The following LMX1B variants were observed in gnomAD, a reference collection of about 807,000 sequenced individuals.
LMX1B encodes LIM homeobox transcription factor 1 beta, also known as LIM homeobox transcription factor 1-beta.
In LMX1B, 12 loss-of-function variants were observed where a neutral mutation model predicts 51.4. The ratio of observed to expected loss-of-function variants is 0.23; its 90% CI spans 0.15 to 0.38. The LOEUF is 0.38. Ranked by LOEUF, LMX1B falls within the 10% of genes least tolerant of loss-of-function variation. The pLI is 1.00. For synonymous variants in LMX1B, 237 were observed against 235.4 expected, an observed-to-expected ratio of 1.01 and a Z score of -0.06; for missense variants, 445 against 571.1, an observed-to-expected ratio of 0.78 and a Z score of 2.25.
intron 2 of LMX1B, among the ~76,000 whole-genome samples, chr9:126,627,295 T>C (rs1835553107): frequency 6.6e-6 from 1 of 152,010 alleles, no homozygotes; most frequent in Non-Finnish European, 1.5e-5. Flanking sequence ...CCTTTTTTAC[T>C]CAGAGAGGTG....
In LMX1B at chr9:126,678,324, AAAAACAAAAAAAAAAAAC is replaced by A. The variant is rs1836608825; in HGVS notation, c.327-12507_327-12490del. On this transcript the variant is annotated intron_variant, in intron 2 of 7. Coordinates refer to ENST00000373474, the MANE Select transcript of LMX1B (RefSeq NM_001174147.2). ...GACTTCGTCTCAAAAAAAAAAAACA[AAAAACAAAAAAAAAAAAC>A]AAAAAGACTGCGGAGAAGCTGCCAC... Among the ~76,000 whole-genome samples the A allele has an allele frequency of 1.9e-4, 23 of 121,684 alleles. 2 individuals are homozygous for A. The highest frequency in any genetic ancestry group is 7.5e-4 in the African/African-American group (22 of 29,258). 79.8% of individuals were successfully genotyped at this position (121,684 alleles called of 152,430 possible). A position where few individuals can be genotyped will look rare whatever the true frequency, so the allele number is the denominator to read the frequency against.
intron 2 of LMX1B, among the ~76,000 whole-genome samples, chr9:126,631,630 C>T (rs1336496028): frequency 6.6e-6 from 1 of 152,124 alleles, no homozygotes; most frequent in Non-Finnish European, 1.5e-5. Flanking sequence ...CCAGCACAGT[C>T]CCTGTGCCTG....
chr9:126,661,366 G>C (rs1039404550), intron 2 of LMX1B, among the ~76,000 whole-genome samples: 1 of 152,188 alleles, frequency 6.6e-6, no homozygotes, highest in African/African-American at 2.4e-5. Flanking sequence ...TCTGTCTGTC[G>C]GGGCCAGAGT....
intron 2 of LMX1B, among the ~76,000 whole-genome samples, chr9:126,647,099 G>C (rs1835916036): frequency 4.6e-5 from 7 of 152,118 alleles, no homozygotes; most frequent in Admixed American, 4.6e-4. Flanking sequence ...AGCCAGTCAG[G>C]AGACAGGCTG....
In LMX1B at chr9:126,693,796, C is replaced by A. The variant is rs544649941; in HGVS notation, c.870C>A (p.Ser290=). 1.0e-4 allele frequency: 141 copies of A among 1,407,456 alleles called. No individual in the cohort carries two copies. In the African/African-American group the frequency reaches 1.6e-3, roughly 16 times the overall value. 87.2% of individuals were successfully genotyped at this position (1,407,456 alleles called of 1,614,324 possible). A position where few individuals can be genotyped will look rare whatever the true frequency, so the allele number is the denominator to read the frequency against. ...AGCAGCAGCAGGAGCAGCAGAACTC[C>A]CAGCGGCTGGGCCAGGGTGAGCCGG... ...RHQQQQEQQN[S]QRLGQEVLSS... is the part of the protein sequence containing the mutation. Residue 290 remains serine (S), a synonymous_variant, in exon 6 of 8, where the codon TCC becomes TCA. Transcript: ENST00000373474.
At chr9:126,627,310 G>C (rs954769751) in intron 2 of LMX1B, among the ~76,000 whole-genome samples, 16 of 152,080 alleles carry the variant, frequency 1.1e-4, no homozygotes. Context: ...GAGGTGCCCT[G>C]CCCTGCCCTC....
At chr9:126,680,865 C>T (rs902285987) in intron 2 of LMX1B, among the ~76,000 whole-genome samples, 2 of 152,148 alleles carry the variant, frequency 1.3e-5, no homozygotes, top group Admixed American at 6.5e-5. Flanking sequence ...CCCTGATGCC[C>T]GGTTGGTCCA....
At position 126,626,216 on chromosome 9, in the gene LMX1B, GC is replaced by G. The variant is rs957463077; in HGVS notation, c.326+10649del. 6.6e-6 allele frequency among the ~76,000 whole-genome samples: 1 copy of G among 152,234 alleles called. No homozygotes were observed. The highest frequency in any genetic ancestry group is 2.4e-5 in the African/African-American group (1 of 41,482). ...GTGCGCCCTGGCAGAGGTCGGGGAC[GC>G]CAGAGTGCACGCAGTCTCCTGCGCG... On this transcript the variant is annotated intron_variant, in intron 2 of 7. Coordinates refer to ENST00000373474, the MANE Select transcript of LMX1B (RefSeq NM_001174147.2). The surrounding 1 kb of genome is among the most constrained non-coding windows in gnomAD (Gnocchi z 4.3).
chr9:126,622,826 A>C (rs956761905), intron 2 of LMX1B, among the ~76,000 whole-genome samples: 1 of 152,242 alleles, frequency 6.6e-6, no homozygotes, highest in Non-Finnish European at 1.5e-5. Context: ...TGGCAGTTAC[A>C]GAATGGGGAT....
chr9:126,696,628 G>A lies in LMX1B; in HGVS notation c.*177G>A. 1.5e-6 allele frequency: 1 copy of A among 655,116 alleles called. No homozygotes were observed. Among genetic ancestry groups the A allele is most frequent in the Non-Finnish European group, 2.6e-6 (1 of 378,832 alleles). 40.6% of individuals were successfully genotyped at this position (655,116 alleles called of 1,614,324 possible). A position where few individuals can be genotyped will look rare whatever the true frequency, so the allele number is the denominator to read the frequency against. On this transcript the variant is annotated 3_prime_UTR_variant, in exon 8 of 8. Coordinates refer to ENST00000373474, the MANE Select transcript of LMX1B (RefSeq NM_001174147.2). Reference sequence around the variant, plus strand: ...CCCGTTGGGTACAGCCAGACCGGTAGATGGGCACAGCCTGGGCAGGGGCTG... The same window carrying A: ...CCCGTTGGGTACAGCCAGACCGGTAAATGGGCACAGCCTGGGCAGGGGCTG...
Position 126,625,658 on chromosome 9 carries a change from C to T in LMX1B, c.326+10089C>T, listed in dbSNP as rs1267706187. ...GGTGAATTCCTTTGTTCCACCCCCACGGAAACCCTCTTCTCCGCCAGGCCC... is the reference window on the plus strand; with the variant it reads ...GGTGAATTCCTTTGTTCCACCCCCATGGAAACCCTCTTCTCCGCCAGGCCC... On this transcript the variant is annotated intron_variant, in intron 2 of 7. Transcript: ENST00000373474. The surrounding 1 kb of genome is among the most constrained non-coding windows in gnomAD (Gnocchi z 5.3). 1.3e-5 allele frequency among the ~76,000 whole-genome samples: 2 copies of T among 152,342 alleles called. No individual in the cohort carries two copies. The highest frequency in any genetic ancestry group is 3.9e-4 in the East Asian group (2 of 5,178).
In LMX1B at chr9:126,671,471, G is replaced by A. The variant is rs944134427; in HGVS notation, c.327-19365G>A. On this transcript the variant is annotated intron_variant, in intron 2 of 7. Transcript: ENST00000373474. The surrounding 1 kb of genome is among the most constrained non-coding windows in gnomAD (Gnocchi z 4.4). ...TTCCGAGCAGAGCTCAGACTGCAGA[G>A]TGGCTGGGTAAATAGTCGCCGCAGT... Among the ~76,000 whole-genome samples, 4 of 152,212 alleles carry A rather than the reference G, an allele frequency of 2.6e-5. No homozygotes were observed. The highest frequency in any genetic ancestry group is 9.6e-5 in the African/African-American group (4 of 41,554).
chr9:126,672,597 G>A (rs566222537), intron 2 of LMX1B, among the ~76,000 whole-genome samples: 1 of 152,330 alleles, frequency 6.6e-6, no homozygotes, highest in South Asian at 2.1e-4. Flanking sequence ...GAAGGGGGTT[G>A]TTAGGGATGG....
intron 2 of LMX1B, among the ~76,000 whole-genome samples, chr9:126,642,881 A>G (rs1175929444): frequency 1.3e-5 from 2 of 152,192 alleles, no homozygotes; most frequent in African/African-American, 4.8e-5. Context: ...TCCAGGGATG[A>G]TGGATCTGCA....
At chr9:126,644,114 C>T (rs1415528883) in intron 2 of LMX1B, among the ~76,000 whole-genome samples, 1 of 152,174 alleles carries the variant, frequency 6.6e-6, no homozygotes, top group Admixed American at 6.5e-5. Context: ...TCATCTCACC[C>T]TGCCAGGTAA....
intron 2 of LMX1B, among the ~76,000 whole-genome samples, chr9:126,634,986 G>A (rs940620536): frequency 2.0e-5 from 3 of 152,172 alleles, no homozygotes; most frequent in East Asian, 1.9e-4. Context: ...CCCTCAAGCC[G>A]GTGCCAGTGT....
chr9:126,628,627 C>G (rs147057126), intron 2 of LMX1B, among the ~76,000 whole-genome samples: 1 of 152,196 alleles, frequency 6.6e-6, no homozygotes. Flanking sequence ...TTAATTACCC[C>G]GCCTTGACTG....
Position 126,695,754 on chromosome 9 carries a change from C to CA in LMX1B, c.887-83dup. On this transcript the variant is annotated intron_variant, in intron 6 of 7. Transcript: ENST00000373474. The surrounding 1 kb of genome is among the most constrained non-coding windows in gnomAD (Gnocchi z 5.2). Reference sequence around the variant, plus strand: ...CCAGAGTGGGGTGCCTGGGGAGTCCCAAGGAGATCAGAAGGGGAGGCTGCT... The same window carrying CA: ...CCAGAGTGGGGTGCCTGGGGAGTCCCAAAGGAGATCAGAAGGGGAGGCTGCT... The CA allele has an allele frequency of 6.6e-7, 1 of 1,526,586 alleles. No individual in the cohort carries two copies. The highest frequency in any genetic ancestry group is 9.0e-7 in the Non-Finnish European group (1 of 1,113,396). 94.6% of individuals were successfully genotyped at this position (1,526,586 alleles called of 1,614,324 possible).
chr9:126,661,483 A>G lies in LMX1B; in HGVS notation c.327-29353A>G, dbSNP rs576629805. 2.6e-5 allele frequency among the ~76,000 whole-genome samples: 4 copies of G among 152,246 alleles called. No individual in the cohort carries two copies. The East Asian group carries it at 7.7e-4, about 29-fold the overall frequency. On this transcript the variant is annotated intron_variant, in intron 2 of 7. Transcript: ENST00000373474. ...GGGCACAGAGGCTGAGCCGAAGCACATGGTCGCTGTCTGTTTGTGGGGCAG... is the reference window on the plus strand; with the variant it reads ...GGGCACAGAGGCTGAGCCGAAGCACGTGGTCGCTGTCTGTTTGTGGGGCAG...
Sources: gnomAD v4.1 joint callset for allele counts (sites outside exome capture counted in the v4.1 genomes callset) on GRCh38, gnomAD v4.1.1 for gene constraint, Gnocchi (gnomAD v3.1) non-coding constraint, MANE v1.5 for transcripts, NCBI Gene and HGNC (gene_info 2026-07-23, HGNC 2026-07-21) for gene names.